The following RYR2 variants were observed in gnomAD, a reference collection of about 807,000 sequenced individuals.
RYR2 encodes cardiac muscle ryanodine receptor-calcium release channel.
A neutral mutation model predicts 601.1 loss-of-function variants in RYR2; 227 were observed. The ratio of observed to expected loss-of-function variants is 0.38; its 90% CI spans 0.34 to 0.42. RYR2 has a LOEUF of 0.42. RYR2 is among the 10% of genes least tolerant of loss of function. The pLI, the probability that RYR2 is intolerant of heterozygous loss-of-function variation, is 1.00. For synonymous variants in RYR2, 2,223 were observed against 2,175.1 expected (o/e 1.02, Z -0.61); for missense variants, 4,646 against 6,156.5 (o/e 0.75, Z 8.21).
chr1:237,791,430 A>G lies in RYR2; in HGVS notation c.13478A>G (p.Asn4493Ser). The stretch of plus-strand genomic sequence containing the variant: ...TTTCATAATGTTTTTCACCCTCAGA[A>G]CTATTTTGCTCGCAACTTTTACAAC... ...KIIAYQQKLLNYFARNFYNMR... is the reference protein window; with the variant it reads ...KIIAYQQKLLSYFARNFYNMR... The change falls in exon 93 of 105, where the codon AAC (asparagine) becomes AGC (serine). Residue 4493 changes from asparagine (N) to serine (S), a missense_variant and splice_region_variant. Asn to Ser is a conservative substitution (Grantham distance 46, BLOSUM62 1). Coordinates refer to ENST00000366574, the MANE Select transcript of RYR2 (RefSeq NM_001035.3). The G allele has an allele frequency of 6.5e-7, 1 of 1,546,476 alleles. No homozygotes were observed. The highest frequency in any genetic ancestry group is 8.8e-7 in the Non-Finnish European group (1 of 1,131,666).
intron 17 of RYR2, among the ~76,000 whole-genome samples, chr1:237,481,840 C>G (rs981220303): frequency 6.8e-6 from 1 of 147,888 alleles, no homozygotes; most frequent in Admixed American, 6.7e-5. Flanking sequence ...AAAAAACCAC[C>G]TCCCAAACTC....
At chr1:237,345,645 A>G (rs912307907) in intron 3 of RYR2, among the ~76,000 whole-genome samples, 2 of 151,944 alleles carry the variant, frequency 1.3e-5, no homozygotes, top group African/African-American at 4.8e-5. Context: ...ATTATTCATG[A>G]CTGATGATTT....
chr1:237,454,617 G>A, intron 15 of RYR2, 43 bp downstream of exon 15: 4 of 1,586,310 alleles, frequency 2.5e-6, no homozygotes, highest in Non-Finnish European at 3.4e-6. Flanking sequence ...TTATTCTCTT[G>A]TAAAAACAGC....
intron 15 of RYR2, 58 bp downstream of exon 15, chr1:237,454,632 T>A: frequency 6.4e-7 from 1 of 1,554,062 alleles, no homozygotes; most frequent in Non-Finnish European, 8.8e-7. Context: ...AACAGCTTCT[T>A]GGTTGGGAAA....
intron 1 of RYR2, among the ~76,000 whole-genome samples, chr1:237,198,081 A>C (rs1680762289): frequency 6.6e-6 from 1 of 152,198 alleles, no homozygotes; most frequent in Non-Finnish European, 1.5e-5. Flanking sequence ...GATGGGGGGA[A>C]ATTCAAGTAG....
At chr1:237,234,503 G>A (rs926959768) in intron 1 of RYR2, among the ~76,000 whole-genome samples, 4 of 152,100 alleles carry the variant, frequency 2.6e-5, no homozygotes, top group African/African-American at 9.7e-5. Context: ...GTGGGAGTTG[G>A]CGTGTCATTG....
intron 3 of RYR2, 106 bp downstream of exon 3, chr1:237,331,088 C>A: frequency 1.1e-6 from 1 of 909,126 alleles, no homozygotes; most frequent in South Asian, 1.4e-5. Flanking sequence ...TAAAATAAGT[C>A]CATGCCTTTC....
chr1:237,536,104 T>C (rs184406092), intron 25 of RYR2, among the ~76,000 whole-genome samples: 130 of 152,248 alleles, frequency 8.5e-4, no homozygotes, highest in Middle Eastern at 3.4e-3. Context: ...AAACACCAAA[T>C]TGTCATCAAT....
chr1:237,445,272 C>T (rs1481844525), intron 13 of RYR2, 129 bp from the exon 14 acceptor site: 2 of 1,102,434 alleles, frequency 1.8e-6, no homozygotes, highest in African/African-American at 3.1e-5. Flanking sequence ...GTAACAGCTT[C>T]ACAGTCCCCT....
intron 1 of RYR2, among the ~76,000 whole-genome samples, chr1:237,207,498 G>A (rs1353489428): frequency 2.0e-5 from 3 of 152,186 alleles, no homozygotes; most frequent in South Asian, 4.1e-4. Flanking sequence ...CCGAGGAGGC[G>A]GAGGTTGCAG....
At chr1:237,088,239 G>T (rs1272495959) in intron 1 of RYR2, among the ~76,000 whole-genome samples, 3 of 152,030 alleles carry the variant, frequency 2.0e-5, no homozygotes, top group African/African-American at 7.2e-5. Context: ...TTGTGGATTG[G>T]CAACCCTTGG....
At chr1:237,659,259 G>A (rs1276187786) in intron 54 of RYR2, among the ~76,000 whole-genome samples, 1 of 152,136 alleles carries the variant, frequency 6.6e-6, no homozygotes, top group African/African-American at 2.4e-5. Flanking sequence ...TTCAGTAATT[G>A]ATTTACTAGG....
At chr1:237,374,695 C>G in intron 6 of RYR2, 22 bp from the exon 7 acceptor site, 1 of 1,589,504 alleles carries the variant, frequency 6.3e-7, no homozygotes, top group East Asian at 2.2e-5. Flanking sequence ...CTACTTACAA[C>G]TACTGATTTT....
At chr1:237,159,014 G>A (rs1027980807) in intron 1 of RYR2, among the ~76,000 whole-genome samples, 18 of 152,216 alleles carry the variant, frequency 1.2e-4, no homozygotes, top group Admixed American at 9.8e-4. Flanking sequence ...AAGGCCAGGC[G>A]CAGTGGCTCA....
At chr1:237,818,048 T>G (rs530676647) in intron 100 of RYR2, among the ~76,000 whole-genome samples, 1 of 151,614 alleles carries the variant, frequency 6.6e-6, no homozygotes, top group Admixed American at 6.6e-5. Context: ...TTGGAGGAGG[T>G]ATGGGGAGAG....
rs867524511 is a variant in RYR2 at position 237,292,160 on chromosome 1, G to A, written c.168+21544G>A. ...CTAAATGTTCGGCAGTAGAGAAATT[G>A]ATAAAGTATAGTGGATTCAAGCAAT... On this transcript the variant is annotated intron_variant, in intron 2 of 104. Coordinates refer to ENST00000366574, the MANE Select transcript of RYR2 (RefSeq NM_001035.3). Among the ~76,000 whole-genome samples the A allele has an allele frequency of 2.0e-4, 31 of 152,310 alleles. No homozygotes were observed. The Middle Eastern group carries it at 0.017, about 84-fold the overall frequency.
At chr1:237,759,596 CG>C (rs1200810778) in intron 82 of RYR2, among the ~76,000 whole-genome samples, 179 bp from the exon 83 acceptor site, 3 of 152,112 alleles carry the variant, frequency 2.0e-5, no homozygotes, top group Non-Finnish European at 4.4e-5. Flanking sequence ...TCCAAGTTTG[CG>C]TAACTATCTT....
intron 2 of RYR2, among the ~76,000 whole-genome samples, chr1:237,298,749 C>A (rs1693059097): frequency 6.6e-6 from 1 of 152,056 alleles, no homozygotes; most frequent in Non-Finnish European, 1.5e-5. Context: ...CCTATAATCC[C>A]AGCACTTTGG....
intron 1 of RYR2, among the ~76,000 whole-genome samples, chr1:237,151,909 TA>T (rs2148817313): frequency 6.6e-6 from 1 of 152,292 alleles, no homozygotes; most frequent in East Asian, 1.9e-4. Context: ...GTTACGTAGA[TA>T]AACATGTGCC....
Sources: allele counts gnomAD v4.1 joint callset (sites outside exome capture counted in the v4.1 genomes callset), GRCh38; gene constraint gnomAD v4.1.1; transcripts MANE v1.5; gene names NCBI Gene and HGNC (gene_info 2026-07-23, HGNC 2026-07-21).